The following FAM114A1 variants were observed in gnomAD, a reference collection of about 807,000 sequenced individuals.
FAM114A1 encodes family with sequence similarity 114 member A1, also known as protein NOXP20.
Under a neutral mutation model 64.3 loss-of-function variants are expected in FAM114A1, and 62 were observed. The ratio of observed to expected loss-of-function variants is 0.96; its 90% CI spans 0.79 to 1.19. The LOEUF (loss-of-function observed/expected upper bound fraction) is 1.19, where lower values mean the gene tolerates loss of function less well. Ranked by LOEUF, FAM114A1 falls within the 50% of genes most tolerant of loss-of-function variation. The pLI, the probability that FAM114A1 is intolerant of heterozygous loss-of-function variation, is 0.00. For synonymous variants in FAM114A1, 254 were observed against 251.1 expected (o/e 1.01, Z -0.11); for missense variants, 645 against 676.3 (o/e 0.95, Z 0.51).
At chr4:38,868,058 A>AGTGT in intron 1 of FAM114A1, 2 of 412,964 alleles carry the variant, frequency 4.8e-6, no homozygotes, top group East Asian at 9.2e-5. Context: ...CGGGCGTGTG[A>AGTGT]GTGTGTGTGT....
Position 38,932,697 on chromosome 4 carries a change from A to G in FAM114A1, c.1463+323A>G, listed in dbSNP as rs182323410. ...TTAATTGCAGAGACCAGGCCTGGCC[A>G]CGTTGCCCAGGCTGGTCTCAAACTC... On this transcript the variant is annotated intron_variant, in intron 12 of 14. Coordinates refer to ENST00000358869, the MANE Select transcript of FAM114A1 (RefSeq NM_138389.4). Among the ~76,000 whole-genome samples, 635 of 151,582 alleles carry G rather than the reference A, an allele frequency of 4.2e-3. 6 individuals are homozygous for G. The highest frequency in any genetic ancestry group is 0.037 in the South Asian group (176 of 4,780).
At chr4:38,922,683 G>T in intron 8 of FAM114A1, 87 bp from the exon 9 acceptor site, 1 of 1,498,594 alleles carries the variant, frequency 6.7e-7, no homozygotes, top group South Asian at 1.4e-5. Flanking sequence ...AATCACTTTT[G>T]TCCTGGGAAA....
intron 4 of FAM114A1, among the ~76,000 whole-genome samples, chr4:38,895,330 G>A (rs902385559): frequency 1.3e-5 from 2 of 152,180 alleles, no homozygotes; most frequent in Non-Finnish European, 2.9e-5. Flanking sequence ...CTGCCCTCAG[G>A]TCCTCCTTCA....
chr4:38,873,593 G>A (rs1232981751), intron 2 of FAM114A1, among the ~76,000 whole-genome samples: 1 of 152,228 alleles, frequency 6.6e-6, no homozygotes, highest in Non-Finnish European at 1.5e-5. Flanking sequence ...AATGCCCTCA[G>A]AAGGGTTCAG....
intron 14 of FAM114A1, among the ~76,000 whole-genome samples, chr4:38,942,096 C>G (rs1025647450): frequency 6.6e-6 from 1 of 152,166 alleles, no homozygotes; most frequent in African/African-American, 2.4e-5. Context: ...GACTTACTCA[C>G]TATTACAAGA....
chr4:38,877,137 T>C (rs1714723986), intron 2 of FAM114A1, among the ~76,000 whole-genome samples: 1 of 152,208 alleles, frequency 6.6e-6, no homozygotes, highest in South Asian at 2.1e-4. Context: ...CCAACCTTTT[T>C]GGCACCAGGA....
At position 38,878,400 on chromosome 4, in the gene FAM114A1, A is replaced by G; in HGVS notation, c.322A>G (p.Ile108Val). The G allele has an allele frequency of 6.2e-7, 1 of 1,600,990 alleles. No homozygotes were observed. The highest frequency in any genetic ancestry group is 8.5e-7 in the Non-Finnish European group (1 of 1,173,000). Residue 108 changes from isoleucine to valine, a missense_variant, in exon 3 of 15, where the codon ATA (isoleucine) becomes GTA (valine). Physicochemically the swap from Ile to Val is conservative, Grantham distance 29. Transcript: ENST00000358869. ...CCTTGAGGCAGAACCCAGATCCGAA[A>G]TACCCCTGCAAGAACAGAATTATCT... ...VSLEAEPRSEIPLQEQNYLAV... is the reference protein window; with the variant it reads ...VSLEAEPRSEVPLQEQNYLAV...
chr4:38,933,007 C>T (rs1411734107), intron 12 of FAM114A1, among the ~76,000 whole-genome samples: 3 of 152,044 alleles, frequency 2.0e-5, no homozygotes, highest in East Asian at 1.9e-4. Flanking sequence ...GTGCGCACCA[C>T]CACATCCAGC....
intron 9 of FAM114A1, among the ~76,000 whole-genome samples, chr4:38,923,128 A>G (rs576322322): frequency 2.6e-5 from 4 of 152,156 alleles, no homozygotes; most frequent in African/African-American, 9.6e-5. Flanking sequence ...TCCCTGGCAC[A>G]TCACAGGCAT....
At chr4:38,894,162 CAAA>C (rs60660305) in intron 4 of FAM114A1, among the ~76,000 whole-genome samples, 3 of 80,392 alleles carry the variant, frequency 3.7e-5, no homozygotes, top group African/African-American at 1.5e-4. Context: ...GAGTATGTCT[CAAA>C]AAAAAAAAAA....
chr4:38,870,710 A>G (rs1274432257), intron 2 of FAM114A1, among the ~76,000 whole-genome samples: 2 of 152,314 alleles, frequency 1.3e-5, no homozygotes, highest in Middle Eastern at 3.4e-3. Context: ...ATAAATCAGG[A>G]AAGGTTTCTA....
rs555033420 is a variant in FAM114A1, at chr4:38,874,036, A to G, written c.-8-4035A>G. On this transcript the variant is annotated intron_variant, in intron 2 of 14. Coordinates refer to ENST00000358869, the MANE Select transcript of FAM114A1 (RefSeq NM_138389.4). ...AGAATAGGAGTAAAAGAATGTAGATAGATTCTCAATAAAGAGCCTCTAGGA... is the reference window on the plus strand; with the variant it reads ...AGAATAGGAGTAAAAGAATGTAGATGGATTCTCAATAAAGAGCCTCTAGGA... 2.0e-5 allele frequency among the ~76,000 whole-genome samples: 3 copies of G among 152,366 alleles called. No individual in the cohort carries two copies. The South Asian group carries it at 6.2e-4, about 32-fold the overall frequency.
intron 13 of FAM114A1, among the ~76,000 whole-genome samples, chr4:38,938,046 T>C (rs1721260008): frequency 6.6e-6 from 1 of 152,210 alleles, no homozygotes; most frequent in African/African-American, 2.4e-5. Flanking sequence ...CTACACATAC[T>C]TTCTCTAATG....
rs1139089 is a variant in FAM114A1 at position 38,944,865 on chromosome 4, A to G, written c.*1308A>G. 40,199 of 152,020 alleles carry G rather than the reference A, an allele frequency of 0.26. 8,157 individuals carry two copies. The highest frequency in any genetic ancestry group is 0.56 in the African/African-American group (23,318 of 41,430). 9.4% of individuals were successfully genotyped at this position (152,020 alleles called of 1,614,324 possible). On this transcript the variant is annotated 3_prime_UTR_variant, in exon 15 of 15. Transcript: ENST00000358869. Reference sequence around the variant, plus strand: ...CCGTGAAAAAATTGTCTTCCATGAAACCGGTCCCTGGTACCAGAAAGGTTG... The same window carrying G: ...CCGTGAAAAAATTGTCTTCCATGAAGCCGGTCCCTGGTACCAGAAAGGTTG...
At chr4:38,937,577 G>T (rs1049296817) in intron 13 of FAM114A1, among the ~76,000 whole-genome samples, 48 of 152,176 alleles carry the variant, frequency 3.2e-4, no homozygotes, top group Admixed American at 1.3e-4. Context: ...GGTGCTGGGG[G>T]TTAGGACTTC....
At chr4:38,921,036 G>A (rs9996277) in intron 8 of FAM114A1, among the ~76,000 whole-genome samples, 2 of 152,154 alleles carry the variant, frequency 1.3e-5, no homozygotes, top group African/African-American at 4.8e-5. Context: ...ACCTCTCTCA[G>A]TTATCCCGAT....
At position 38,923,224 on chromosome 4, in the gene FAM114A1, C is replaced by CTTTTTT. The variant is rs55688191; in HGVS notation, c.1069+344_1069+349dup. On this transcript the variant is annotated intron_variant, in intron 9 of 14. Transcript: ENST00000358869. ...CTGATGACTAGAGTTTATGCTGCCACTTTTTTTTTTTTTTTTTTGAGATGG... is the reference window on the plus strand; with the variant it reads ...CTGATGACTAGAGTTTATGCTGCCACTTTTTTTTTTTTTTTTTTTTTTTTGAGATGG... Among the ~76,000 whole-genome samples, 13 of 131,738 alleles carry CTTTTTT rather than the reference C, an allele frequency of 9.9e-5. 1 individual carries two copies. The highest frequency in any genetic ancestry group is 1.4e-4 in the Non-Finnish European group (9 of 62,756). 86.4% of individuals were successfully genotyped at this position (131,738 alleles called of 152,430 possible). A position where few individuals can be genotyped will look rare whatever the true frequency, so the allele number is the denominator to read the frequency against.
chr4:38,900,320 G>A (rs1306304497), intron 4 of FAM114A1, among the ~76,000 whole-genome samples: 1 of 151,848 alleles, frequency 6.6e-6, no homozygotes, highest in Non-Finnish European at 1.5e-5. Flanking sequence ...TACAGCTGCT[G>A]TGGAAGACAG....
At chr4:38,892,376 C>G (rs1326103567) in intron 4 of FAM114A1, among the ~76,000 whole-genome samples, 4 of 152,146 alleles carry the variant, frequency 2.6e-5, no homozygotes, top group Non-Finnish European at 5.9e-5. Flanking sequence ...GTATTGACCT[C>G]AACTCTGAGC....
Sources: allele counts gnomAD v4.1 joint callset (sites outside exome capture counted in the v4.1 genomes callset), GRCh38; gene constraint gnomAD v4.1.1; transcripts MANE v1.5; gene names NCBI Gene and HGNC (gene_info 2026-07-23, HGNC 2026-07-21).